LMNTD1: variants seen among roughly 807,000 people sequenced by gnomAD.
The protein encoded by LMNTD1 is lamin tail domain containing 1.
A neutral mutation model predicts 50.9 loss-of-function variants in LMNTD1; 35 were observed. The observed-to-expected ratio is 0.69, with a 90% CI of 0.53 to 0.91. LMNTD1 has a LOEUF of 0.91. Among genes scored for constraint, LMNTD1 ranks in the 40% least tolerant of loss-of-function variants. LMNTD1 has a pLI of 0.00. For missense variants in LMNTD1, 470 were observed against 475.5 expected (o/e 0.99, Z 0.11); for synonymous variants, 153 against 161.9 (o/e 0.94, Z 0.42).
rs931414123 is a variant in LMNTD1 at position 25,530,000 on chromosome 12, T to G, written c.492-3045A>C. On this transcript the variant is annotated intron_variant, in intron 4 of 9. Transcript: ENST00000458174. ...CCTCTTCTTGTTTCCCATGTCCTTA[T>G]AAACACTTCAAATTTTCAGCCTTCT... is the stretch of plus-strand genomic sequence containing the variant. Among the ~76,000 whole-genome samples, 43 of 152,160 alleles carry G rather than the reference T, an allele frequency of 2.8e-4. 1 individual carries two copies. The highest frequency in any genetic ancestry group is 1.0e-3 in the African/African-American group (42 of 41,452).
intron 1 of LMNTD1, among the ~76,000 whole-genome samples, chr12:25,605,331 A>G (rs78114552): frequency 0.023 from 3,435 of 152,294 alleles, 104 homozygotes; most frequent in African/African-American, 0.071. Flanking sequence ...TTTGCTGTGC[A>G]GAAGCTCTAG....
At chr12:25,622,466 C>A (rs900241148) in intron 1 of LMNTD1, among the ~76,000 whole-genome samples, 2 of 121,210 alleles carry the variant, frequency 1.7e-5, no homozygotes, top group Non-Finnish European at 3.6e-5. Flanking sequence ...TTTGTGAGCC[C>A]GCCCCCCCCC....
At chr12:25,486,979 T>C (rs892606072) in intron 9 of LMNTD1, among the ~76,000 whole-genome samples, 7 of 152,182 alleles carry the variant, frequency 4.6e-5, no homozygotes, top group African/African-American at 9.6e-5. Flanking sequence ...TCTAGTTTGA[T>C]TGCACTGTGG....
intron 1 of LMNTD1, among the ~76,000 whole-genome samples, chr12:25,576,850 T>A (rs1350870164): frequency 6.6e-6 from 1 of 152,148 alleles, no homozygotes; most frequent in Non-Finnish European, 1.5e-5. Flanking sequence ...CTTTAATCCA[T>A]CTTGAATTGA....
chr12:25,640,144 T>G (rs1946921854), intron 1 of LMNTD1, among the ~76,000 whole-genome samples: 2 of 152,102 alleles, frequency 1.3e-5, no homozygotes, highest in African/African-American at 4.8e-5. Flanking sequence ...GCTAGGTGAC[T>G]TGGGGGGAGA....
intron 1 of LMNTD1, among the ~76,000 whole-genome samples, chr12:25,596,688 A>G (rs1214580963): frequency 6.6e-6 from 1 of 152,098 alleles, no homozygotes; most frequent in African/African-American, 2.4e-5. Context: ...AGAAAGAAAA[A>G]GGATTTTGAT....
intron 9 of LMNTD1, among the ~76,000 whole-genome samples, chr12:25,492,236 T>C (rs1938909205): frequency 6.6e-6 from 1 of 152,234 alleles, no homozygotes; most frequent in Non-Finnish European, 1.5e-5. Flanking sequence ...TGTTATAGCA[T>C]AGGCTTAGCA....
chr12:25,490,009 CT>C (rs1384267095), intron 9 of LMNTD1, among the ~76,000 whole-genome samples: 5 of 152,168 alleles, frequency 3.3e-5, no homozygotes, highest in Non-Finnish European at 1.5e-5. Context: ...AACTATTTGA[CT>C]GTAAATAAAA....
chr12:25,576,309 A>T (rs1387063548), intron 1 of LMNTD1, among the ~76,000 whole-genome samples: 1 of 152,240 alleles, frequency 6.6e-6, no homozygotes, highest in African/African-American at 2.4e-5. Flanking sequence ...TCCCACCAAC[A>T]GTGTAAAAGT....
chr12:25,637,841 TAGG>T (rs201179834), intron 1 of LMNTD1, among the ~76,000 whole-genome samples: 3,024 of 152,086 alleles, frequency 0.02, 35 homozygotes, highest in Non-Finnish European at 0.029. Context: ...CATTAATCAT[TAGG>T]AGAATGGAAA....
At chr12:25,629,402 G>C (rs1946665816) in intron 1 of LMNTD1, among the ~76,000 whole-genome samples, 1 of 152,150 alleles carries the variant, frequency 6.6e-6, no homozygotes, top group African/African-American at 2.4e-5. Flanking sequence ...TTTTACCTCA[G>C]GCTTGATAAG....
chr12:25,498,174 A>T (rs1565941947), intron 9 of LMNTD1, among the ~76,000 whole-genome samples: 1 of 152,158 alleles, frequency 6.6e-6, no homozygotes, highest in East Asian at 1.9e-4. Context: ...TCATTTTTTT[A>T]AACTTTTAGA....
At chr12:25,638,328 T>C (rs1206513571) in intron 1 of LMNTD1, among the ~76,000 whole-genome samples, 1 of 152,136 alleles carries the variant, frequency 6.6e-6, no homozygotes, top group East Asian at 1.9e-4. Flanking sequence ...AGACCAGAAG[T>C]TCTAGTCAGG....
chr12:25,619,837 C>T (rs1176452839), intron 1 of LMNTD1, among the ~76,000 whole-genome samples: 1 of 152,156 alleles, frequency 6.6e-6, no homozygotes, highest in African/African-American at 2.4e-5. Context: ...TAATTCTCAC[C>T]AAGACTGATC....
intron 8 of LMNTD1, among the ~76,000 whole-genome samples, chr12:25,517,680 A>G (rs1289831706): frequency 7.0e-6 from 1 of 143,134 alleles, no homozygotes; most frequent in African/African-American, 2.6e-5. Context: ...CACATTGTGC[A>G]CATGTACCCT....
intron 9 of LMNTD1, among the ~76,000 whole-genome samples, chr12:25,498,240 T>G (rs1939174611): frequency 6.6e-6 from 1 of 152,174 alleles, no homozygotes; most frequent in Non-Finnish European, 1.5e-5. Context: ...GATGGCATTT[T>G]TAAAAGGTAG....
intron 8 of LMNTD1, among the ~76,000 whole-genome samples, chr12:25,507,013 G>A (rs1939842818): frequency 6.6e-6 from 1 of 152,050 alleles, no homozygotes; most frequent in African/African-American, 2.4e-5. Flanking sequence ...CCGAGTAGCT[G>A]GGATTACAGG....
At position 25,537,736 on chromosome 12, in the gene LMNTD1, G is replaced by A. The variant is rs202182016; in HGVS notation, c.491+8638C>T. ...AAGCTGGATGGAGAATGACTTTGAC[G>A]AGCTGAGAGAAGAAGGCTTCAGATG... On this transcript the variant is annotated intron_variant, in intron 4 of 9. Coordinates refer to ENST00000458174, the MANE Select transcript of LMNTD1 (RefSeq NM_001145728.2). Among the ~76,000 whole-genome samples the A allele has an allele frequency of 4.4e-4, 67 of 152,318 alleles. No individual in the cohort carries two copies. In the East Asian group the frequency reaches 0.01, roughly 24 times the overall value.
At chr12:25,613,321 A>G (rs1476951716) in intron 1 of LMNTD1, among the ~76,000 whole-genome samples, 2 of 152,222 alleles carry the variant, frequency 1.3e-5, no homozygotes, top group Non-Finnish European at 2.9e-5. Flanking sequence ...AATGAAATCA[A>G]GATAAGCTTA....
Sources: allele counts gnomAD v4.1 joint callset (sites outside exome capture counted in the v4.1 genomes callset), GRCh38; gene constraint gnomAD v4.1.1; transcripts MANE v1.5; gene names NCBI Gene and HGNC (gene_info 2026-07-23, HGNC 2026-07-21).